LAMA2: variants seen among roughly 807,000 people sequenced by gnomAD.
The protein encoded by LAMA2 is laminin subunit alpha 2.
Under a neutral mutation model 364.8 loss-of-function variants are expected in LAMA2, and 269 were observed. The ratio of observed to expected loss-of-function variants is 0.74; its 90% confidence interval spans 0.67 to 0.82. The LOEUF is 0.82. Among genes scored for constraint, LAMA2 ranks in the 40% least tolerant of loss-of-function variants. LAMA2 has a pLI of 0.00. For missense variants in LAMA2, 3,807 were observed against 3,873.2 expected (o/e 0.98, Z 0.45); for synonymous variants, 1,379 against 1,370.6 (o/e 1.01, Z -0.14).
intron 1 of LAMA2, among the ~76,000 whole-genome samples, chr6:129,004,856 C>A (rs184495738): frequency 6.6e-5 from 10 of 152,000 alleles, no homozygotes; most frequent in African/African-American, 2.2e-4. Context: ...CACTTAACAC[C>A]TTTTTCATAA....
At chr6:129,445,550 G>T in intron 44 of LAMA2, 117 bp from the exon 45 acceptor site, 1 of 870,748 alleles carries the variant, frequency 1.1e-6, no homozygotes. Flanking sequence ...AGCTGTTATG[G>T]CCATGCTTTG....
intron 20 of LAMA2, among the ~76,000 whole-genome samples, chr6:129,294,075 G>A (rs193186204): frequency 6.6e-6 from 1 of 152,288 alleles, no homozygotes; most frequent in East Asian, 1.9e-4. Context: ...GTGGGAGACA[G>A]CATAGCCTTC....
chr6:128,991,244 C>G (rs549220385), intron 1 of LAMA2, among the ~76,000 whole-genome samples: 2 of 151,870 alleles, frequency 1.3e-5, no homozygotes, highest in Non-Finnish European at 2.9e-5. Flanking sequence ...TTTTTTTCCC[C>G]CTCCGGAGAA....
At position 129,445,832 on chromosome 6, in the gene LAMA2, T is replaced by C; in HGVS notation, c.6429+11T>C. On this transcript the variant is annotated intron_variant, in intron 45 of 64. Transcript: ENST00000421865. ...AAACAAGCCAATTCTGTAAGTTCTTTTTATCGTCAGTATCAGTAACTGATT... is the reference window on the plus strand; with the variant it reads ...AAACAAGCCAATTCTGTAAGTTCTTCTTATCGTCAGTATCAGTAACTGATT... 1 of 1,608,666 alleles carries C rather than the reference T, an allele frequency of 6.2e-7. No individual in the cohort carries two copies. Among genetic ancestry groups the C allele is most frequent in the Non-Finnish European group, 8.5e-7 (1 of 1,175,276 alleles).
intron 51 of LAMA2, among the ~76,000 whole-genome samples, chr6:129,469,608 A>T (rs942928968): frequency 6.6e-6 from 1 of 151,882 alleles, no homozygotes; most frequent in African/African-American, 2.4e-5. Context: ...CCAGGACACA[A>T]GAAAGCATAT....
intron 1 of LAMA2, among the ~76,000 whole-genome samples, chr6:128,975,110 C>A (rs970619080): frequency 1.3e-5 from 2 of 152,056 alleles, no homozygotes; most frequent in African/African-American, 4.8e-5. Flanking sequence ...CCTCTGCCTC[C>A]CAAAGTGCTG....
chr6:128,991,431 C>T (rs1001480203), intron 1 of LAMA2, among the ~76,000 whole-genome samples: 2 of 152,128 alleles, frequency 1.3e-5, no homozygotes, highest in Non-Finnish European at 2.9e-5. Flanking sequence ...ATTATGGAAG[C>T]AGAAACATCT....
In LAMA2 at chr6:129,268,643, G is replaced by A. The variant is rs529397349; in HGVS notation, c.2322+1424G>A. Reference sequence around the variant, plus strand: ...AAACAGTGTCATTCAGCATAATTTTGAGAGAAGGAAGGGAGAGAACAGACC... The same window carrying A: ...AAACAGTGTCATTCAGCATAATTTTAAGAGAAGGAAGGGAGAGAACAGACC... On this transcript the variant is annotated intron_variant, in intron 16 of 64. Coordinates refer to ENST00000421865, the MANE Select transcript of LAMA2 (RefSeq NM_000426.4). 5.3e-4 allele frequency among the ~76,000 whole-genome samples: 81 copies of A among 152,148 alleles called. 1 individual carries two copies. Among genetic ancestry groups the A allele is most frequent in the Non-Finnish European group, 8.8e-4 (60 of 67,928 alleles).
At chr6:129,429,618 C>T (rs1232486504) in intron 41 of LAMA2, among the ~76,000 whole-genome samples, 2 of 152,186 alleles carry the variant, frequency 1.3e-5, no homozygotes, top group Non-Finnish European at 2.9e-5. Flanking sequence ...GCAGGTACCT[C>T]TTATTACAAT....
At chr6:129,281,720 T>C (rs1162456495) in intron 18 of LAMA2, among the ~76,000 whole-genome samples, 1 of 152,158 alleles carries the variant, frequency 6.6e-6, no homozygotes, top group African/African-American at 2.4e-5. Flanking sequence ...AAGTATGATT[T>C]CCTGTCTAAA....
chr6:129,174,484 AGTGTGT>A (rs58286852), intron 9 of LAMA2, among the ~76,000 whole-genome samples: 21 of 147,004 alleles, frequency 1.4e-4, no homozygotes, highest in African/African-American at 4.0e-4. Context: ...ATGTTTCGTA[AGTGTGT>A]GTGTGTGTGT....
intron 58 of LAMA2, among the ~76,000 whole-genome samples, chr6:129,500,124 A>C (rs578056935): frequency 6.6e-6 from 1 of 152,068 alleles, no homozygotes; most frequent in Admixed American, 6.6e-5. Flanking sequence ...CCTTTAACCA[A>C]GCAAGGGGGA....
At chr6:129,503,648 T>C (rs904287039) in intron 60 of LAMA2, among the ~76,000 whole-genome samples, 2 of 152,228 alleles carry the variant, frequency 1.3e-5, no homozygotes, top group East Asian at 3.8e-4. Context: ...ATAATATTTA[T>C]TCTGAGATTA....
At chr6:129,264,005 A>G (rs1474055034) in intron 15 of LAMA2, among the ~76,000 whole-genome samples, 2 of 152,094 alleles carry the variant, frequency 1.3e-5, no homozygotes, top group African/African-American at 4.8e-5. Flanking sequence ...CAGCCTCCCA[A>G]AGTTCTGGGG....
intron 1 of LAMA2, among the ~76,000 whole-genome samples, chr6:128,971,387 A>G (rs576876781): frequency 1.8e-4 from 28 of 152,296 alleles, no homozygotes; most frequent in South Asian, 1.0e-3. Context: ...CGCAGAAACA[A>G]ATGAATAATT....
At chr6:129,483,308 T>C (rs1784442984) in intron 55 of LAMA2, among the ~76,000 whole-genome samples, 1 of 151,332 alleles carries the variant, frequency 6.6e-6, no homozygotes, top group Admixed American at 6.6e-5. Context: ...AAGAAACAGA[T>C]GACTATTTTG....
intron 10 of LAMA2, among the ~76,000 whole-genome samples, chr6:129,189,795 AC>A (rs1033311873): frequency 6.6e-6 from 1 of 152,172 alleles, no homozygotes; most frequent in South Asian, 2.1e-4. Context: ...CTTTAATTTT[AC>A]CATGAAATTA....
chr6:129,268,601 GC>G (rs1285676845), intron 16 of LAMA2, among the ~76,000 whole-genome samples: 1 of 152,004 alleles, frequency 6.6e-6, no homozygotes, highest in East Asian at 1.9e-4. Flanking sequence ...AAAACTAGAA[GC>G]CTTTTTTAAC....
chr6:129,322,975 C>T (rs1775058189), intron 28 of LAMA2, among the ~76,000 whole-genome samples: 1 of 152,166 alleles, frequency 6.6e-6, no homozygotes, highest in Admixed American at 6.5e-5. Context: ...TTGTCATCTG[C>T]ATTAGTGGCT....
Sources: gnomAD v4.1 joint callset for allele counts (sites outside exome capture counted in the v4.1 genomes callset) on GRCh38, gnomAD v4.1.1 for gene constraint, MANE v1.5 for transcripts, NCBI Gene and HGNC (gene_info 2026-07-23, HGNC 2026-07-21) for gene names.